The following CLVS1 variants were observed in gnomAD, a reference collection of about 807,000 sequenced individuals.
The protein encoded by CLVS1 is clavesin 1, also known as clavesin-1.
A neutral mutation model predicts 33.1 loss-of-function variants in CLVS1; 10 were observed. The observed-to-expected ratio is 0.30, with a 90% confidence interval of 0.19 to 0.51. The LOEUF (loss-of-function observed/expected upper bound fraction) is 0.51, where lower values mean the gene tolerates loss of function less well. Among genes scored for constraint, CLVS1 ranks in the 20% least tolerant of loss-of-function variants. CLVS1 has a pLI of 0.97. For synonymous variants in CLVS1, 163 were observed against 166.1 expected (o/e 0.98, Z 0.14); for missense variants, 343 against 433.4 (o/e 0.79, Z 1.85).
the CLVS1 span, among the ~76,000 whole-genome samples, chr8:61,051,579 G>A: frequency 6.6e-6 from 1 of 152,232 alleles, no homozygotes; most frequent in African/African-American, 2.4e-5. Context: ...CAAACGAAAG[G>A]CATGGAGAGC....
chr8:61,073,904 C>T lies in CLVS1; in HGVS notation c.-243+16674C>T, dbSNP rs191350547. Among the ~76,000 whole-genome samples, 905 of 147,302 alleles carry T rather than the reference C, an allele frequency of 6.1e-3. 11 individuals are homozygous for T. Among genetic ancestry groups the T allele is most frequent in the African/African-American group, 0.022 (850 of 39,462 alleles). ...GCGGGCGCCTGTAGTCCCAGCTACT[C>T]GGGATGCTGAGGCAGGAGAATGGCG... On this transcript the variant is annotated intron_variant, in intron 1 of 2. Transcript: ENST00000522621.
At chr8:61,429,501 C>T (rs1816031922) in intron 3 of CLVS1, among the ~76,000 whole-genome samples, 2 of 151,116 alleles carry the variant, frequency 1.3e-5, no homozygotes, top group Non-Finnish European at 2.9e-5. Flanking sequence ...ATCATGAGCC[C>T]ACTCCTGCAA....
the CLVS1 span, among the ~76,000 whole-genome samples, chr8:61,014,481 T>C: frequency 6.6e-6 from 1 of 152,334 alleles, no homozygotes; most frequent in South Asian, 2.1e-4. Context: ...TAAAGGAGTA[T>C]GGGCATCAAG....
intron 5 of CLVS1, among the ~76,000 whole-genome samples, chr8:61,486,270 C>T (rs10097248): frequency 0.084 from 12,720 of 151,976 alleles, 1,543 homozygotes; most frequent in African/African-American, 0.27. Context: ...TCATGCCTTG[C>T]TCAGAGTCAG....
chr8:61,488,321 T>C (rs1227836901), intron 5 of CLVS1, among the ~76,000 whole-genome samples: 1 of 152,216 alleles, frequency 6.6e-6, no homozygotes, highest in Non-Finnish European at 1.5e-5. Flanking sequence ...CTGTAAAGGA[T>C]TTGGGCACAA....
the CLVS1 span, among the ~76,000 whole-genome samples, chr8:61,040,829 G>A: frequency 4.0e-3 from 612 of 152,244 alleles, 5 homozygotes; most frequent in African/African-American, 0.014. Flanking sequence ...AAGCTGTTTA[G>A]TTTAATTAAG....
intron 2 of CLVS1, among the ~76,000 whole-genome samples, chr8:61,134,849 C>T (rs929189460): frequency 2.6e-5 from 4 of 152,124 alleles, no homozygotes; most frequent in Admixed American, 6.5e-5. Flanking sequence ...TAACACAACT[C>T]GATTACAAGT....
At chr8:61,242,439 T>C (rs998583755) in intron 2 of CLVS1, among the ~76,000 whole-genome samples, 1 of 152,198 alleles carries the variant, frequency 6.6e-6, no homozygotes, top group Non-Finnish European at 1.5e-5. Flanking sequence ...GAATATCTCA[T>C]GGATTTTAAA....
At chr8:60,996,024 A>AG in the CLVS1 span, among the ~76,000 whole-genome samples, 3 of 151,890 alleles carry the variant, frequency 2.0e-5, no homozygotes, top group African/African-American at 7.2e-5. Flanking sequence ...GAGTGGGGGT[A>AG]GGGGGGAGGG....
chr8:61,260,264 A>G lies in CLVS1; in HGVS notation c.-151-39413A>G, dbSNP rs1308474178. Among the ~76,000 whole-genome samples the G allele has an allele frequency of 3.3e-5, 5 of 152,302 alleles. No homozygotes were observed. The East Asian group carries it at 9.6e-4, about 29-fold the overall frequency. On this transcript the variant is annotated intron_variant, in intron 2 of 2. Transcript: ENST00000522621. ...ATATTAATGGCCAGAGAGTTAGAGA[A>G]AGTGCTCAAGCTTGCTTATTTAAAT...
intron 3 of CLVS1, among the ~76,000 whole-genome samples, chr8:61,382,455 C>T (rs1813919080): frequency 6.6e-6 from 1 of 152,138 alleles, no homozygotes. Context: ...GTCCACAAAC[C>T]AGCACTACCA....
intron 1 of CLVS1, among the ~76,000 whole-genome samples, chr8:61,110,789 T>C (rs1251654167): frequency 6.6e-6 from 1 of 152,240 alleles, no homozygotes; most frequent in Non-Finnish European, 1.5e-5. Context: ...ACTAGAATCA[T>C]ACAGTATTAG....
chr8:60,995,961 A>C, the CLVS1 span, among the ~76,000 whole-genome samples: 2 of 152,150 alleles, frequency 1.3e-5, no homozygotes, highest in African/African-American at 4.8e-5. Context: ...GAATTGAACA[A>C]TGAGATCACA....
the CLVS1 span, among the ~76,000 whole-genome samples, chr8:61,035,074 A>G: frequency 6.6e-6 from 1 of 152,204 alleles, no homozygotes; most frequent in East Asian, 1.9e-4. Flanking sequence ...GTTTTTTGAT[A>G]TCCTGAAATT....
At chr8:61,067,140 G>C (rs1278437140) in intron 1 of CLVS1, among the ~76,000 whole-genome samples, 1 of 152,136 alleles carries the variant, frequency 6.6e-6, no homozygotes, top group Non-Finnish European at 1.5e-5. Context: ...ACCCTGACCT[G>C]TATTGACTGC....
chr8:61,252,292 T>C (rs138722927), intron 2 of CLVS1, among the ~76,000 whole-genome samples: 1,813 of 152,304 alleles, frequency 0.012, 44 homozygotes, highest in African/African-American at 0.042. Context: ...CTGTTTGTTA[T>C]GATTTCCATT....
chr8:61,180,498 C>G (rs1190584309), intron 2 of CLVS1, among the ~76,000 whole-genome samples: 1 of 152,140 alleles, frequency 6.6e-6, no homozygotes, highest in Non-Finnish European at 1.5e-5. Context: ...ATGAAGCCAG[C>G]ATCATCCTGA....
chr8:61,299,660 G>A lies in CLVS1; in HGVS notation c.-151-17G>A. On this transcript the variant is annotated splice_polypyrimidine_tract_variant and intron_variant, in intron 1 of 5. Coordinates refer to ENST00000325897, the MANE Select transcript of CLVS1 (RefSeq NM_173519.3). ...ATCATCTCTCTTCTGTTTCTTTTGT[G>A]TGTATTTGTTTTTCAGTAAGCAATG... The A allele has an allele frequency of 1.7e-6, 1 of 584,236 alleles. No individual in the cohort carries two copies. Among genetic ancestry groups the A allele is most frequent in the East Asian group, 2.8e-5 (1 of 35,716 alleles). The allele number at this position is 584,236 out of a possible 1,614,324, so 36.2% of individuals were successfully genotyped here.
At chr8:60,989,242 G>A in the CLVS1 span, among the ~76,000 whole-genome samples, 10 of 152,034 alleles carry the variant, frequency 6.6e-5, no homozygotes, top group Admixed American at 2.0e-4. Flanking sequence ...GTGCAATGGC[G>A]TGATCTCGGC....
Sources: allele counts gnomAD v4.1 joint callset (sites outside exome capture counted in the v4.1 genomes callset), GRCh38; gene constraint gnomAD v4.1.1; transcripts MANE v1.5; gene names NCBI Gene and HGNC (gene_info 2026-07-23, HGNC 2026-07-21).